Variants in ULK4 observed in about 807,000 individuals in gnomAD.
ULK4 encodes the protein unc-51 like kinase 4, also known as inactive serine/threonine-protein kinase ULK4.
A neutral mutation model predicts 160.6 loss-of-function variants in ULK4; 133 were observed. That is an observed-to-expected ratio of 0.83 (90% CI 0.72 to 0.96). ULK4 has a LOEUF of 0.96. Ranked by LOEUF, ULK4 falls within the 40% of genes least tolerant of loss-of-function variation. ULK4 has a pLI of 0.00. For missense variants in ULK4, 1,580 were observed against 1,499.5 expected (o/e 1.05, Z -0.89); for synonymous variants, 534 against 539.8 (o/e 0.99, Z 0.15).
chr3:41,386,426 A>G (rs187720104), intron 35 of ULK4, among the ~76,000 whole-genome samples: 11 of 152,318 alleles, frequency 7.2e-5, no homozygotes, highest in East Asian at 3.9e-4. Context: ...TATCCCAGGT[A>G]TAAGGATTAG....
chr3:41,363,319 T>G (rs753828097), intron 35 of ULK4, among the ~76,000 whole-genome samples: 10 of 152,218 alleles, frequency 6.6e-5, no homozygotes, highest in Non-Finnish European at 1.2e-4. Flanking sequence ...TCACCTATCT[T>G]CATGCATAAG....
chr3:41,303,726 A>T (rs2079843490), intron 35 of ULK4, among the ~76,000 whole-genome samples: 1 of 152,098 alleles, frequency 6.6e-6, no homozygotes, highest in African/African-American at 2.4e-5. Context: ...TCAAGTCTGT[A>T]ATTCAGGGTC....
intron 35 of ULK4, among the ~76,000 whole-genome samples, chr3:41,355,395 T>C (rs570096946): frequency 6.6e-6 from 1 of 152,314 alleles, no homozygotes; most frequent in East Asian, 1.9e-4. Context: ...CTTCTACTTA[T>C]AGATCAATTA....
chr3:41,437,544 A>G (rs991000264), intron 34 of ULK4, among the ~76,000 whole-genome samples: 13 of 152,192 alleles, frequency 8.5e-5, no homozygotes, highest in African/African-American at 2.9e-4. Context: ...CTCTGGGCAG[A>G]GCAAGAGGAT....
intron 22 of ULK4, among the ~76,000 whole-genome samples, chr3:41,730,593 C>T (rs1175221396): frequency 6.6e-6 from 1 of 152,008 alleles, no homozygotes; most frequent in East Asian, 1.9e-4. Flanking sequence ...TCTGAAGAGA[C>T]CAATAATGAG....
chr3:41,931,470 T>TAAATTAA lies in ULK4; in HGVS notation c.541+373_541+374insTTAATTT, dbSNP rs55969147. On this transcript the variant is annotated intron_variant, in intron 5 of 36. Transcript: ENST00000301831. Reference sequence around the variant, plus strand: ...TGTTCTGCACATGTACCCTAGAACTTAAAAAAAAAAAAAAAAAAGAAAGAA... The same window carrying TAAATTAA: ...TGTTCTGCACATGTACCCTAGAACTTAAATTAAAAAAAAAAAAAAAAAAAAGAAAGAA... 3.1e-5 allele frequency among the ~76,000 whole-genome samples: 4 copies of TAAATTAA among 127,000 alleles called. No individual in the cohort carries two copies. In the East Asian group the frequency reaches 6.6e-4, roughly 21 times the overall value. 83.3% of individuals were successfully genotyped at this position (127,000 alleles called of 152,430 possible).
intron 21 of ULK4, among the ~76,000 whole-genome samples, chr3:41,775,225 A>T (rs1445255460): frequency 6.6e-6 from 1 of 150,622 alleles, no homozygotes; most frequent in East Asian, 1.9e-4. Flanking sequence ...TAATAATAAA[A>T]GTAATAAAAA....
chr3:41,692,028 T>G (rs985023273), intron 27 of ULK4, among the ~76,000 whole-genome samples: 1 of 141,092 alleles, frequency 7.1e-6, no homozygotes, highest in South Asian at 2.4e-4. Flanking sequence ...CTCAGCTCAC[T>G]GCAAGCTCTG....
At chr3:41,558,440 C>A (rs1476667947) in intron 32 of ULK4, among the ~76,000 whole-genome samples, 1 of 152,074 alleles carries the variant, frequency 6.6e-6, no homozygotes, top group African/African-American at 2.4e-5. Context: ...AGCAGTGGCT[C>A]ATGCCTGTAG....
At chr3:41,540,248 C>T (rs922935264) in intron 32 of ULK4, among the ~76,000 whole-genome samples, 1 of 151,242 alleles carries the variant, frequency 6.6e-6, no homozygotes, top group African/African-American at 2.4e-5. Flanking sequence ...GTGATGCGTT[C>T]GCATTGTTCA....
chr3:41,855,068 A>G (rs1045939777), intron 17 of ULK4, among the ~76,000 whole-genome samples: 1 of 151,992 alleles, frequency 6.6e-6, no homozygotes, highest in Non-Finnish European at 1.5e-5. Flanking sequence ...TCTACCCACC[A>G]AGCAACTGCA....
At chr3:41,811,012 T>C (rs1010150638) in intron 19 of ULK4, among the ~76,000 whole-genome samples, 4 of 147,282 alleles carry the variant, frequency 2.7e-5, no homozygotes, top group African/African-American at 1.0e-4. Flanking sequence ...ACTTCCAGAG[T>C]AGCTGGGACT....
chr3:41,855,527 C>G (rs917695413), intron 17 of ULK4, among the ~76,000 whole-genome samples: 8 of 152,166 alleles, frequency 5.3e-5, no homozygotes, highest in African/African-American at 1.9e-4. Context: ...TACTATTGCC[C>G]TGTAATTAAA....
intron 29 of ULK4, among the ~76,000 whole-genome samples, chr3:41,667,970 A>G (rs1487809342): frequency 6.6e-6 from 1 of 152,252 alleles, no homozygotes; most frequent in Non-Finnish European, 1.5e-5. Context: ...ACAGTGCCCA[A>G]TTAGGTTATC....
At chr3:41,776,163 T>A (rs2039612488) in intron 21 of ULK4, among the ~76,000 whole-genome samples, 1 of 151,092 alleles carries the variant, frequency 6.6e-6, no homozygotes, top group African/African-American at 2.5e-5. Context: ...GAATAGTCAT[T>A]TTAACTTTCA....
At position 41,490,268 on chromosome 3, in the gene ULK4, C is replaced by G. The variant is rs35683412; in HGVS notation, c.3227-27015G>C. The stretch of plus-strand genomic sequence containing the variant: ...TAATGTTCCTCCACTGATAAGGGAG[C>G]CTGAGCATCACGCCATCACTTACCT... On this transcript the variant is annotated intron_variant, in intron 32 of 36. Coordinates refer to ENST00000301831, the MANE Select transcript of ULK4 (RefSeq NM_017886.4). Among the ~76,000 whole-genome samples the G allele has an allele frequency of 9.5e-3, 1,454 of 152,298 alleles. 63 individuals are homozygous for G. The highest frequency in any genetic ancestry group is 0.063 in the East Asian group (326 of 5,184).
At chr3:41,708,300 C>A (rs2036975840) in intron 25 of ULK4, among the ~76,000 whole-genome samples, 1 of 152,132 alleles carries the variant, frequency 6.6e-6, no homozygotes, top group African/African-American at 2.4e-5. Flanking sequence ...TGTCCATCAA[C>A]AGATGAACGG....
At chr3:41,263,095 A>G (rs374135955) in intron 35 of ULK4, among the ~76,000 whole-genome samples, 1 of 152,216 alleles carries the variant, frequency 6.6e-6, no homozygotes, top group East Asian at 1.9e-4. Flanking sequence ...AGGCACTGGC[A>G]TGAGGATGTC....
chr3:41,375,077 G>C (rs1326776612), intron 35 of ULK4, among the ~76,000 whole-genome samples: 1 of 152,150 alleles, frequency 6.6e-6, no homozygotes, highest in South Asian at 2.1e-4. Flanking sequence ...AATTTACAAG[G>C]GATGTGAAGG....
Sources: gnomAD v4.1 joint callset for allele counts (sites outside exome capture counted in the v4.1 genomes callset) on GRCh38, gnomAD v4.1.1 for gene constraint, MANE v1.5 for transcripts, NCBI Gene and HGNC (gene_info 2026-07-23, HGNC 2026-07-21) for gene names.